Variants in MSRA observed in about 807,000 individuals in gnomAD.
MSRA encodes mitochondrial peptide methionine sulfoxide reductase.
Under a neutral mutation model 31.3 loss-of-function variants are expected in MSRA, and 54 were observed. The observed-to-expected ratio is 1.73, with a 90% confidence interval of 1.39 to 2.17. The LOEUF is 2.17. Ranked by LOEUF, MSRA falls within the 30% of genes most tolerant of loss-of-function variation. MSRA has a pLI of 0.00. For missense variants in MSRA, 507 were observed against 300.9 expected, an observed-to-expected ratio of 1.69 and a Z score of -5.07; for synonymous variants, 169 against 116.5, an observed-to-expected ratio of 1.45 and a Z score of -2.90.
chr8:10,410,073 T>C (rs1479000448), intron 5 of MSRA, among the ~76,000 whole-genome samples: 1 of 152,184 alleles, frequency 6.6e-6, no homozygotes, highest in African/African-American at 2.4e-5. Context: ...TTTTTAAAGA[T>C]ATTTCTTCGT....
At chr8:10,361,710 A>T (rs189304388) in intron 5 of MSRA, among the ~76,000 whole-genome samples, 2 of 152,220 alleles carry the variant, frequency 1.3e-5, no homozygotes, top group African/African-American at 2.4e-5. Context: ...AAGCACTTCT[A>T]ATGAAAGACT....
intron 1 of MSRA, among the ~76,000 whole-genome samples, chr8:10,195,695 A>G (rs1417373919): frequency 1.3e-5 from 2 of 152,240 alleles, no homozygotes; most frequent in African/African-American, 4.8e-5. Flanking sequence ...GTTTATATCT[A>G]CAATGATTCC....
chr8:10,396,428 AC>A (rs1807102721), intron 5 of MSRA, among the ~76,000 whole-genome samples: 1 of 152,248 alleles, frequency 6.6e-6, no homozygotes, highest in African/African-American at 2.4e-5. Context: ...GGAAAATGCC[AC>A]TGGGAAGAAA....
chr8:10,220,776 C>T (rs921414761), intron 2 of MSRA, among the ~76,000 whole-genome samples: 1 of 152,178 alleles, frequency 6.6e-6, no homozygotes, highest in South Asian at 2.1e-4. Context: ...ATTCTGTTTC[C>T]TCAGCATATG....
chr8:10,182,042 G>C (rs1232979477), intron 1 of MSRA, among the ~76,000 whole-genome samples: 1 of 152,084 alleles, frequency 6.6e-6, no homozygotes, highest in African/African-American at 2.4e-5. Context: ...CTTGGTACAT[G>C]ACCCCATCTA....
intron 1 of MSRA, among the ~76,000 whole-genome samples, chr8:10,060,957 T>C (rs1228662172): frequency 6.6e-6 from 1 of 152,230 alleles, no homozygotes; most frequent in East Asian, 1.9e-4. Context: ...AGAAAACAGT[T>C]TTCCTTTTAG....
chr8:10,144,310 G>T (rs112086629), intron 1 of MSRA, among the ~76,000 whole-genome samples: 3 of 152,330 alleles, frequency 2.0e-5, no homozygotes, highest in Non-Finnish European at 2.9e-5. Context: ...CCTGGGTTCA[G>T]TGTTTGGCTC....
At chr8:10,370,682 C>T (rs952912046) in intron 5 of MSRA, among the ~76,000 whole-genome samples, 4 of 152,204 alleles carry the variant, frequency 2.6e-5, no homozygotes, top group Non-Finnish European at 5.9e-5. Context: ...CTGTACTTGC[C>T]ACCTCCAGGC....
intron 5 of MSRA, among the ~76,000 whole-genome samples, chr8:10,346,773 G>C (rs554611957): frequency 6.6e-6 from 1 of 152,336 alleles, no homozygotes; most frequent in Non-Finnish European, 1.5e-5. Flanking sequence ...AAAAGTTAGG[G>C]AAACTGTCAG....
chr8:10,229,901 C>T (rs1194197036), intron 2 of MSRA, among the ~76,000 whole-genome samples: 4 of 152,160 alleles, frequency 2.6e-5, no homozygotes, highest in Non-Finnish European at 5.9e-5. Context: ...ATTCCCCGTC[C>T]TCCCCATATA....
intron 5 of MSRA, among the ~76,000 whole-genome samples, chr8:10,340,387 A>G (rs1050029269): frequency 3.9e-5 from 6 of 152,144 alleles, no homozygotes; most frequent in Non-Finnish European, 7.4e-5. Flanking sequence ...CTATCTATCT[A>G]TCTGAGACAA....
Position 10,201,178 on chromosome 8 carries a change from C to T in MSRA, c.143-6655C>T, listed in dbSNP as rs2062330. Among the ~76,000 whole-genome samples the T allele has an allele frequency of 4.1e-3, 619 of 152,182 alleles. 5 individuals are homozygous for T. Among genetic ancestry groups the T allele is most frequent in the African/African-American group, 0.014 (579 of 41,514 alleles). On this transcript the variant is annotated intron_variant, in intron 1 of 5. Transcript: ENST00000317173. ...TAAATGCACTTTACTCCAGCCCCAC[C>T]GTGACCCTCCTCTCTGCTGCTCAGT...
At chr8:10,331,463 A>G (rs980462132) in intron 5 of MSRA, among the ~76,000 whole-genome samples, 2 of 152,204 alleles carry the variant, frequency 1.3e-5, no homozygotes, top group African/African-American at 2.4e-5. Context: ...ACAGTCACAC[A>G]CAGGCTAGGG....
At chr8:10,253,575 T>G (rs1179271772) in intron 3 of MSRA, among the ~76,000 whole-genome samples, 1 of 152,228 alleles carries the variant, frequency 6.6e-6, no homozygotes, top group Non-Finnish European at 1.5e-5. Context: ...GGTTATTCTT[T>G]CATTGTTTTA....
chr8:10,229,531 G>A (rs547694579), intron 2 of MSRA, among the ~76,000 whole-genome samples: 108 of 152,236 alleles, frequency 7.1e-4, no homozygotes, highest in African/African-American at 2.3e-3. Flanking sequence ...CTCTGACCTC[G>A]AGTGGACTGA....
At chr8:10,085,734 G>C (rs146302848) in intron 1 of MSRA, among the ~76,000 whole-genome samples, 86 of 152,270 alleles carry the variant, frequency 5.6e-4, no homozygotes, top group Non-Finnish European at 1.1e-3. Flanking sequence ...GTTGTCTCCT[G>C]CCTCTTTGCA....
chr8:10,088,837 C>T (rs759068130), intron 1 of MSRA, among the ~76,000 whole-genome samples: 1 of 152,260 alleles, frequency 6.6e-6, no homozygotes. Context: ...TGCCACAGCA[C>T]GGACGGATCT....
At chr8:10,343,193 G>A (rs1283559509) in intron 5 of MSRA, among the ~76,000 whole-genome samples, 1 of 152,078 alleles carries the variant, frequency 6.6e-6, no homozygotes, top group Non-Finnish European at 1.5e-5. Flanking sequence ...CCTTTTCCCA[G>A]CAACCTTCAG....
At chr8:10,379,597 C>A (rs1805946660) in intron 5 of MSRA, among the ~76,000 whole-genome samples, 1 of 152,190 alleles carries the variant, frequency 6.6e-6, no homozygotes, top group Non-Finnish European at 1.5e-5. Context: ...CCTCTGGCAC[C>A]CTGGTCTCCT....
Sources: gnomAD v4.1 joint callset for allele counts (sites outside exome capture counted in the v4.1 genomes callset) on GRCh38, gnomAD v4.1.1 for gene constraint, MANE v1.5 for transcripts, NCBI Gene and HGNC (gene_info 2026-07-23, HGNC 2026-07-21) for gene names.